Variants in PRKCE observed in about 807,000 individuals in gnomAD.
PRKCE encodes the protein protein kinase C epsilon.
PRKCE carries 16 observed loss-of-function variants against 85.4 expected under a neutral mutation model. That is an observed-to-expected ratio of 0.19 (90% CI 0.13 to 0.28). The LOEUF is 0.28. Among genes scored for constraint, PRKCE ranks in the 10% least tolerant of loss-of-function variants. The pLI, the probability that PRKCE is intolerant of heterozygous loss-of-function variation, is 1.00. For synonymous variants in PRKCE, 388 were observed against 371.5 expected (o/e 1.04, Z -0.51); for missense variants, 573 against 975.2 (o/e 0.59, Z 5.49).
chr2:45,844,121 A>G (rs1472266510), intron 2 of PRKCE, among the ~76,000 whole-genome samples: 1 of 152,202 alleles, frequency 6.6e-6, no homozygotes, highest in South Asian at 2.1e-4. Context: ...CAGTTAGTCA[A>G]ATGATGTGCT....
chr2:45,756,405 G>A (rs186345360), intron 1 of PRKCE, among the ~76,000 whole-genome samples: 6 of 152,270 alleles, frequency 3.9e-5, no homozygotes, highest in African/African-American at 4.8e-5. Flanking sequence ...AAGTTTGATC[G>A]TATAGTCTCT....
chr2:46,086,249 C>T lies in PRKCE; in HGVS notation c.1479C>T (p.Asp493=), dbSNP rs1669629396. 6.3e-7 allele frequency: 1 copy of T among 1,599,658 alleles called. No individual in the cohort carries two copies. Among genetic ancestry groups the T allele is most frequent in the Non-Finnish European group, 8.5e-7 (1 of 1,179,914 alleles). ...FFVMEYVNGG[D]LMFQIQRSRK... is the part of the protein sequence containing the mutation. ...TCATGGAATATGTAAATGGTGGAGA[C>T]CTCATGTTTCAGATTCAGCGCTCCC... The change falls in exon 11 of 15, where the codon GAC becomes GAT. Residue 493 remains aspartate (D), a synonymous_variant. Transcript: ENST00000306156.
At chr2:45,696,263 C>A (rs1388557324) in intron 1 of PRKCE, among the ~76,000 whole-genome samples, 2 of 151,962 alleles carry the variant, frequency 1.3e-5, no homozygotes, top group Non-Finnish European at 2.9e-5. Context: ...GCCGAAATAA[C>A]TTTTTTAAAT....
chr2:46,178,249 A>T (rs1679624320), intron 14 of PRKCE, among the ~76,000 whole-genome samples: 1 of 150,592 alleles, frequency 6.6e-6, no homozygotes, highest in Admixed American at 6.6e-5. Context: ...AACAAGAGCG[A>T]AACTCTGTCT....
At chr2:45,851,696 G>C (rs1055625771) in intron 2 of PRKCE, 1 of 152,170 alleles carries the variant, frequency 6.6e-6, no homozygotes, top group Admixed American at 6.5e-5. Flanking sequence ...AGAGTGACTT[G>C]CCCATGGCCA....
At position 46,139,521 on chromosome 2, in the gene PRKCE, T is replaced by G. The variant is rs764416876; in HGVS notation, c.1593-5572T>G. Among the ~76,000 whole-genome samples the G allele has an allele frequency of 6.6e-6, 1 of 152,168 alleles. No individual in the cohort carries two copies. The highest frequency in any genetic ancestry group is 1.5e-5 in the Non-Finnish European group (1 of 68,026). ...GTGCTCTAAATAAGATACAAGTTTCTTTCTTTTTCATATGAAAGTTATCTG... is the reference window on the plus strand; with the variant it reads ...GTGCTCTAAATAAGATACAAGTTTCGTTCTTTTTCATATGAAAGTTATCTG... On this transcript the variant is annotated intron_variant, in intron 11 of 14. Coordinates refer to ENST00000306156, the MANE Select transcript of PRKCE (RefSeq NM_005400.3). This position sits in a 1 kb window ranked among gnomAD's most constrained non-coding sequence, Gnocchi z 5.2.
intron 2 of PRKCE, among the ~76,000 whole-genome samples, chr2:45,846,556 A>C (rs1691805682): frequency 6.6e-6 from 1 of 152,206 alleles, no homozygotes; most frequent in Non-Finnish European, 1.5e-5. Context: ...TACCTCACAA[A>C]TGATGCAGAT....
chr2:45,836,049 C>T (rs1690849575), intron 1 of PRKCE, among the ~76,000 whole-genome samples: 1 of 152,156 alleles, frequency 6.6e-6, no homozygotes, highest in Non-Finnish European at 1.5e-5. Context: ...GATGGCTTCC[C>T]CAGTAAATCA....
intron 10 of PRKCE, among the ~76,000 whole-genome samples, chr2:46,074,884 C>A (rs1160274716): frequency 6.6e-6 from 1 of 152,190 alleles, no homozygotes. Flanking sequence ...ATGTGGGAAA[C>A]AGGCAGAGTC....
At chr2:46,066,666 G>A (rs921636570) in intron 10 of PRKCE, among the ~76,000 whole-genome samples, 6 of 152,080 alleles carry the variant, frequency 3.9e-5, no homozygotes, top group Non-Finnish European at 8.8e-5. Flanking sequence ...GAAGTTTCTC[G>A]CTGTGCTCTT....
intron 1 of PRKCE, among the ~76,000 whole-genome samples, chr2:45,765,437 C>T (rs953445858): frequency 3.3e-5 from 5 of 152,208 alleles, no homozygotes; most frequent in African/African-American, 9.6e-5. Context: ...TGCCTTGAAG[C>T]TGTAGAGTAA....
intron 1 of PRKCE, among the ~76,000 whole-genome samples, chr2:45,735,041 A>G (rs1681931715): frequency 6.6e-6 from 1 of 152,216 alleles, no homozygotes; most frequent in South Asian, 2.1e-4. Flanking sequence ...ACAGTCTTCA[A>G]TAAACCTCCT....
At position 46,153,889 on chromosome 2, in the gene PRKCE, A is replaced by G. The variant is rs1398093795; in HGVS notation, c.1920+2660A>G. On this transcript the variant is annotated intron_variant, in intron 13 of 14. Transcript: ENST00000306156. The stretch of plus-strand genomic sequence containing the variant: ...GCAACTTCCGCCTCCCGGGTTCAAG[A>G]GATTCTCCTGCCTCAGCCTCCCGAG... Among the ~76,000 whole-genome samples, 10 of 148,042 alleles carry G rather than the reference A, an allele frequency of 6.8e-5. No homozygotes were observed. In the Admixed American group the frequency reaches 6.8e-4, roughly 10 times the overall value.
chr2:45,927,054 GA>G, intron 2 of PRKCE, among the ~76,000 whole-genome samples: 1 of 152,218 alleles, frequency 6.6e-6, no homozygotes, highest in Middle Eastern at 3.4e-3. Context: ...AGGATGGTGA[GA>G]ATTATAGAAT....
intron 1 of PRKCE, among the ~76,000 whole-genome samples, chr2:45,776,129 C>T (rs753282567): frequency 2.6e-5 from 4 of 152,194 alleles, no homozygotes; most frequent in African/African-American, 4.8e-5. Context: ...TCTGAAAGAT[C>T]ATATAATTTA....
chr2:45,724,277 C>T (rs2104489647), intron 1 of PRKCE, among the ~76,000 whole-genome samples: 1 of 152,286 alleles, frequency 6.6e-6, no homozygotes, highest in East Asian at 1.9e-4. Flanking sequence ...ACTATTATAA[C>T]TGTTTTGGAG....
chr2:45,971,192 T>C (rs951477784), intron 2 of PRKCE, among the ~76,000 whole-genome samples: 13 of 152,174 alleles, frequency 8.5e-5, no homozygotes, highest in African/African-American at 2.7e-4. Flanking sequence ...TCCCAGCCCC[T>C]GGCCACCACC....
intron 2 of PRKCE, among the ~76,000 whole-genome samples, chr2:45,910,773 G>C (rs1423787080): frequency 6.6e-6 from 1 of 152,198 alleles, no homozygotes; most frequent in East Asian, 1.9e-4. Flanking sequence ...GGGTGGGAGA[G>C]AACCTAGCCA....
At chr2:46,046,847 G>A (rs1708552386) in intron 10 of PRKCE, among the ~76,000 whole-genome samples, 1 of 152,174 alleles carries the variant, frequency 6.6e-6, no homozygotes. Context: ...ATTCAAGACG[G>A]ACTTCACATT....
Sources: gnomAD v4.1 joint callset for allele counts (sites outside exome capture counted in the v4.1 genomes callset) on GRCh38, gnomAD v4.1.1 for gene constraint, Gnocchi (gnomAD v3.1) non-coding constraint, MANE v1.5 for transcripts, NCBI Gene and HGNC (gene_info 2026-07-23, HGNC 2026-07-21) for gene names.